Variants in SNCAIP observed in about 807,000 individuals in gnomAD.
SNCAIP encodes synuclein alpha interacting protein.
Under a neutral mutation model 86.7 loss-of-function variants are expected in SNCAIP, and 43 were observed. That is an observed-to-expected ratio of 0.50 (90% CI 0.39 to 0.64). The LOEUF (loss-of-function observed/expected upper bound fraction) is 0.64. Ranked by LOEUF, SNCAIP falls within the 30% of genes least tolerant of loss-of-function variation. The pLI is 0.00. For synonymous variants in SNCAIP, 417 were observed against 427.2 expected (o/e 0.98, Z 0.29); for missense variants, 981 against 1,103.1 (o/e 0.89, Z 1.57).
At chr5:122,350,289 A>G (rs1194101757) in intron 1 of SNCAIP, among the ~76,000 whole-genome samples, 7 of 152,232 alleles carry the variant, frequency 4.6e-5, no homozygotes. Context: ...ATTAAGTACC[A>G]TCCAAATATA....
At chr5:122,423,881 ACCT>A (rs1776874188) in intron 4 of SNCAIP, 142 bp downstream of exon 4, 1 of 702,642 alleles carries the variant, frequency 1.4e-6, no homozygotes, top group Non-Finnish European at 2.3e-6. Context: ...GGGAGATGTG[ACCT>A]TTTGAGTTTT....
chr5:122,389,657 A>G (rs1561646737), intron 1 of SNCAIP: 1 of 152,350 alleles, frequency 6.6e-6, no homozygotes, highest in Non-Finnish European at 1.5e-5. Context: ...TACAAATACA[A>G]GTTGGTTTTC....
At chr5:122,321,467 C>T (rs980925334) in intron 1 of SNCAIP, 1 of 152,178 alleles carries the variant, frequency 6.6e-6, no homozygotes, top group Non-Finnish European at 1.5e-5. Flanking sequence ...ACACTTAGCT[C>T]AGATCTTTAT....
chr5:122,437,533 C>T (rs1283141239), intron 6 of SNCAIP, among the ~76,000 whole-genome samples: 1 of 152,120 alleles, frequency 6.6e-6, no homozygotes, highest in Non-Finnish European at 1.5e-5. Flanking sequence ...AGGCCAATCG[C>T]ACTTCTTATT....
At chr5:122,333,109 A>G (rs1407227818) in intron 1 of SNCAIP, among the ~76,000 whole-genome samples, 1 of 152,256 alleles carries the variant, frequency 6.6e-6, no homozygotes, top group African/African-American at 2.4e-5. Flanking sequence ...GATAGAAGCC[A>G]TAAATCAAAG....
At chr5:122,404,298 C>A (rs1036273033) in intron 3 of SNCAIP, among the ~76,000 whole-genome samples, 2 of 152,006 alleles carry the variant, frequency 1.3e-5, no homozygotes, top group African/African-American at 4.8e-5. Context: ...ATCAGAGATG[C>A]GACATGATAG....
At chr5:122,363,147 C>T (rs546464457) in intron 1 of SNCAIP, among the ~76,000 whole-genome samples, 2 of 152,148 alleles carry the variant, frequency 1.3e-5, no homozygotes, top group South Asian at 4.2e-4. Context: ...CAGGCATGCG[C>T]CACCATGCCT....
intron 1 of SNCAIP, among the ~76,000 whole-genome samples, chr5:122,343,087 G>T (rs969325581): frequency 2.6e-5 from 4 of 152,182 alleles, no homozygotes; most frequent in African/African-American, 9.7e-5. Flanking sequence ...ATGAGTTAAA[G>T]TCATAGAAGT....
chr5:122,448,045 G>T (rs1469379988), intron 8 of SNCAIP, among the ~76,000 whole-genome samples: 1 of 152,164 alleles, frequency 6.6e-6, no homozygotes, highest in Non-Finnish European at 1.5e-5. Context: ...AAAACAAAGT[G>T]CTTGGAGCTT....
chr5:122,381,956 T>A (rs1766926907), intron 1 of SNCAIP, among the ~76,000 whole-genome samples: 1 of 152,170 alleles, frequency 6.6e-6, no homozygotes, highest in Admixed American at 6.5e-5. Flanking sequence ...CTGACCTTTC[T>A]CCCTAGCTGC....
chr5:122,386,734 C>T (rs1308216833), intron 1 of SNCAIP, among the ~76,000 whole-genome samples: 2 of 152,096 alleles, frequency 1.3e-5, no homozygotes, highest in Non-Finnish European at 2.9e-5. Context: ...AGTTTTCCTA[C>T]CCAAATTGGG....
intron 10 of SNCAIP, among the ~76,000 whole-genome samples, chr5:122,457,728 C>T (rs2153026769): frequency 6.6e-6 from 1 of 152,262 alleles, no homozygotes; most frequent in Admixed American, 6.5e-5. Context: ...GAAAGAAAAC[C>T]CTCATTTTAT....
intron 1 of SNCAIP, among the ~76,000 whole-genome samples, chr5:122,388,240 G>A (rs938092641): frequency 6.6e-6 from 1 of 152,132 alleles, no homozygotes; most frequent in Non-Finnish European, 1.5e-5. Flanking sequence ...ATCACCCAAG[G>A]TCTGCAAGTT....
intron 3 of SNCAIP, among the ~76,000 whole-genome samples, chr5:122,414,349 GC>G (rs1287880735): frequency 6.6e-6 from 1 of 151,284 alleles, no homozygotes; most frequent in Non-Finnish European, 1.5e-5. Context: ...TCCTGCCTCA[GC>G]CTCCTGAGTA....
intron 6 of SNCAIP, among the ~76,000 whole-genome samples, chr5:122,438,770 T>C (rs1274548724): frequency 1.3e-5 from 2 of 152,248 alleles, no homozygotes; most frequent in Non-Finnish European, 2.9e-5. Flanking sequence ...ATAAGGCTTT[T>C]TGAATTGGAT....
rs1382728109 is a variant in SNCAIP at position 122,450,003 on chromosome 5, T to C, written c.1685+66T>C. The C allele has an allele frequency of 5.6e-6, 6 of 1,070,688 alleles. No homozygotes were observed. In the Admixed American group the frequency reaches 6.8e-5, roughly 12 times the overall value. 66.3% of individuals were successfully genotyped at this position (1,070,688 alleles called of 1,614,324 possible). On this transcript the variant is annotated intron_variant, in intron 9 of 10. Coordinates refer to ENST00000261368, the MANE Select transcript of SNCAIP (RefSeq NM_005460.4). Reference sequence around the variant, plus strand: ...TAAATTGTTAAGCCTTCTTCTGAACTTCCTTTGATATATTTTAAGAGGATG... The same window carrying C: ...TAAATTGTTAAGCCTTCTTCTGAACCTCCTTTGATATATTTTAAGAGGATG...
chr5:122,378,387 G>T (rs1345430889), intron 1 of SNCAIP, among the ~76,000 whole-genome samples: 2,022 of 127,502 alleles, frequency 0.016, 130 homozygotes, highest in African/African-American at 0.058. Flanking sequence ...TGATGGGGTT[G>T]TTTGTTTTTT....
At chr5:122,337,058 T>C (rs1756623959) in intron 1 of SNCAIP, among the ~76,000 whole-genome samples, 1 of 152,174 alleles carries the variant, frequency 6.6e-6, no homozygotes, top group South Asian at 2.1e-4. Context: ...TGATGCAAAA[T>C]GTGGCAGGAG....
At position 122,463,595 on chromosome 5, in the gene SNCAIP, C is replaced by T. The variant is rs781668691; in HGVS notation, c.*99C>T. The stretch of plus-strand genomic sequence containing the variant: ...TTGTAAATCACTTTTTAAATTTTCT[C>T]TCACTGATGCCCTTTGGAAATTATT... On this transcript the variant is annotated 3_prime_UTR_variant, in exon 11 of 11. Transcript: ENST00000261368. 2.4e-5 allele frequency: 32 copies of T among 1,333,878 alleles called. No individual in the cohort carries two copies. The African/African-American group carries it at 3.3e-4, about 14-fold the overall frequency. 82.6% of individuals were successfully genotyped at this position (1,333,878 alleles called of 1,614,324 possible).
Sources: allele counts gnomAD v4.1 joint callset (sites outside exome capture counted in the v4.1 genomes callset), GRCh38; gene constraint gnomAD v4.1.1; transcripts MANE v1.5; gene names NCBI Gene and HGNC (gene_info 2026-07-23, HGNC 2026-07-21).